The following ASTN2 variants were observed in gnomAD, a reference collection of about 807,000 sequenced individuals.
ASTN2 encodes astrotactin 2.
Under a neutral mutation model 139.8 loss-of-function variants are expected in ASTN2, and 54 were observed. The ratio of observed to expected loss-of-function variants is 0.39; its 90% CI spans 0.31 to 0.48. The LOEUF (loss-of-function observed/expected upper bound fraction) is 0.48. Ranked by LOEUF, ASTN2 falls within the 20% of genes least tolerant of loss-of-function variation. The probability of loss-of-function intolerance (pLI) is 0.95; values close to 1 mark genes in which losing one functional copy is unlikely to be tolerated. For missense variants in ASTN2, 1,565 were observed against 1,725.1 expected (o/e 0.91, Z 1.64); for synonymous variants, 756 against 719.5 (o/e 1.05, Z -0.81).
chr9:116,516,562 A>T (rs986090206), intron 19 of ASTN2, among the ~76,000 whole-genome samples: 36 of 152,198 alleles, frequency 2.4e-4, no homozygotes, highest in African/African-American at 8.7e-4. Flanking sequence ...TCATATTGTG[A>T]ACTTTTGCTC....
intron 10 of ASTN2, among the ~76,000 whole-genome samples, chr9:116,921,799 A>G (rs1053172250): frequency 1.3e-5 from 2 of 152,054 alleles, no homozygotes; most frequent in Non-Finnish European, 2.9e-5. Flanking sequence ...ATCTTGTGAG[A>G]ACTCACTCAC....
chr9:117,233,210 C>T (rs1422256599), intron 2 of ASTN2, among the ~76,000 whole-genome samples: 1 of 152,174 alleles, frequency 6.6e-6, no homozygotes, highest in Admixed American at 6.5e-5. Flanking sequence ...GGAGGAGGCC[C>T]TGCTTCCAAT....
chr9:117,365,263 GA>G (rs962076704), intron 1 of ASTN2, among the ~76,000 whole-genome samples: 9 of 131,692 alleles, frequency 6.8e-5, no homozygotes, highest in African/African-American at 8.4e-5. Flanking sequence ...GAAACAGAGA[GA>G]AAAAAAGACA....
intron 3 of ASTN2, among the ~76,000 whole-genome samples, chr9:117,184,419 G>A (rs945230404): frequency 1.4e-4 from 22 of 152,258 alleles, no homozygotes; most frequent in South Asian, 4.1e-4. Context: ...TCTGTTCTCC[G>A]AAGGCTTCAT....
At chr9:117,015,053 A>C (rs1170309193) in intron 6 of ASTN2, among the ~76,000 whole-genome samples, 1 of 152,026 alleles carries the variant, frequency 6.6e-6, no homozygotes, top group Non-Finnish European at 1.5e-5. Context: ...GCTCTAACTC[A>C]CCCAGGCTAG....
At chr9:116,952,299 G>A (rs933216674) in intron 10 of ASTN2, among the ~76,000 whole-genome samples, 4 of 152,246 alleles carry the variant, frequency 2.6e-5, no homozygotes, top group Non-Finnish European at 4.4e-5. Flanking sequence ...TATTGGGCTC[G>A]CATGCAGCCA....
intron 3 of ASTN2, among the ~76,000 whole-genome samples, chr9:117,213,260 C>T (rs572437640): frequency 5.9e-5 from 9 of 152,012 alleles, no homozygotes; most frequent in Non-Finnish European, 1.0e-4. Context: ...AAAGAATGCT[C>T]GAGGCTGCTA....
intron 6 of ASTN2, among the ~76,000 whole-genome samples, chr9:117,022,701 T>G (rs10817980): frequency 0.22 from 33,740 of 152,024 alleles, 4,346 homozygotes; most frequent in Non-Finnish European, 0.29. Flanking sequence ...ATAGTCAAGG[T>G]GCTTAGTAAA....
chr9:116,810,122 C>T (rs764930355), intron 12 of ASTN2, among the ~76,000 whole-genome samples: 1 of 152,112 alleles, frequency 6.6e-6, no homozygotes, highest in Non-Finnish European at 1.5e-5. Flanking sequence ...GGAGGGGGCT[C>T]ATTTGCTACA....
rs146268131 is a variant in ASTN2, at chr9:116,765,867, C to A, written c.2397-32344G>T. On this transcript the variant is annotated intron_variant, in intron 13 of 22. Transcript: ENST00000313400. Reference sequence around the variant, plus strand: ...TGAAGGTGGTCACCAGCATATGGAACTTCAGAGTTTTTTAACCTGTTAATT... The same window carrying A: ...TGAAGGTGGTCACCAGCATATGGAAATTCAGAGTTTTTTAACCTGTTAATT... 6.5e-3 allele frequency among the ~76,000 whole-genome samples: 985 copies of A among 152,238 alleles called. 64 individuals are homozygous for A. In the South Asian group the frequency reaches 0.16, roughly 25 times the overall value.
chr9:117,329,038 CA>C (rs1384168255), intron 1 of ASTN2, among the ~76,000 whole-genome samples: 20 of 152,076 alleles, frequency 1.3e-4, no homozygotes, highest in Admixed American at 6.6e-5. Context: ...GCTGTAGAAG[CA>C]AAGTGACCTT....
chr9:117,375,172 A>G (rs188089163), intron 1 of ASTN2, among the ~76,000 whole-genome samples: 118 of 152,360 alleles, frequency 7.7e-4, no homozygotes, highest in African/African-American at 2.7e-3. Context: ...ACAAGGGAAG[A>G]GTCCTTGGCC....
At chr9:116,704,830 A>T (rs1463012589) in intron 16 of ASTN2, among the ~76,000 whole-genome samples, 1 of 152,202 alleles carries the variant, frequency 6.6e-6, no homozygotes, top group Non-Finnish European at 1.5e-5. Flanking sequence ...TTAAGATGGC[A>T]TCTTGACTCT....
chr9:116,928,758 A>G lies in ASTN2; in HGVS notation c.1889+46450T>C, dbSNP rs187745781. Among the ~76,000 whole-genome samples the G allele has an allele frequency of 1.0e-3, 155 of 152,276 alleles. 1 individual carries two copies. Among genetic ancestry groups the G allele is most frequent in the Non-Finnish European group, 1.6e-3 (106 of 68,024 alleles). ...AGGGTAAAAAAAAAAAAGGATGTTT[A>G]CCTAGCTGACCTGTAAGTTAAACAC... On this transcript the variant is annotated intron_variant, in intron 10 of 22. Coordinates refer to ENST00000313400, the MANE Select transcript of ASTN2 (RefSeq NM_001365068.1).
chr9:116,988,311 C>T (rs767033246), intron 7 of ASTN2, among the ~76,000 whole-genome samples: 1 of 152,182 alleles, frequency 6.6e-6, no homozygotes, highest in African/African-American at 2.4e-5. Context: ...TAATCATGCC[C>T]ACTCTTCTCA....
At chr9:117,404,293 A>T (rs540160272) in intron 1 of ASTN2, among the ~76,000 whole-genome samples, 4 of 152,232 alleles carry the variant, frequency 2.6e-5, no homozygotes, top group Non-Finnish European at 5.9e-5. Context: ...GAATTAGCAC[A>T]TCTGGGATTT....
intron 3 of ASTN2, among the ~76,000 whole-genome samples, chr9:117,150,573 ATAACT>A (rs1322431970): frequency 3.9e-5 from 6 of 152,208 alleles, no homozygotes; most frequent in African/African-American, 1.4e-4. Context: ...ACTTGGGCAA[ATAACT>A]TAACACTCAG....
At chr9:116,920,293 C>G (rs1188763305) in intron 10 of ASTN2, among the ~76,000 whole-genome samples, 1 of 152,176 alleles carries the variant, frequency 6.6e-6, no homozygotes, top group East Asian at 1.9e-4. Flanking sequence ...TGGCTTTGCT[C>G]TACATAGAGG....
At chr9:117,322,975 C>T (rs994683497) in intron 1 of ASTN2, among the ~76,000 whole-genome samples, 1 of 152,070 alleles carries the variant, frequency 6.6e-6, no homozygotes, top group African/African-American at 2.4e-5. Context: ...TTTCCTTCTA[C>T]TCTCCTAGAG....
Sources: allele counts gnomAD v4.1 joint callset (sites outside exome capture counted in the v4.1 genomes callset), GRCh38; gene constraint gnomAD v4.1.1; transcripts MANE v1.5; gene names NCBI Gene and HGNC (gene_info 2026-07-23, HGNC 2026-07-21).